GABBR2: variants seen among roughly 807,000 people sequenced by gnomAD.
GABBR2 encodes the protein G-protein coupled receptor 51.
A neutral mutation model predicts 105.6 loss-of-function variants in GABBR2; 23 were observed. That is an observed-to-expected ratio of 0.22 (90% CI 0.16 to 0.31). The LOEUF is 0.31. Ranked by LOEUF, GABBR2 falls within the 10% of genes least tolerant of loss-of-function variation. The probability of loss-of-function intolerance (pLI) is 1.00; values close to 1 mark genes in which losing one functional copy is unlikely to be tolerated. For synonymous variants in GABBR2, 478 were observed against 499.7 expected, an observed-to-expected ratio of 0.96 and a Z score of 0.58; for missense variants, 734 against 1,245.5, an observed-to-expected ratio of 0.59 and a Z score of 6.18.
chr9:98,677,285 T>C (rs887398339), intron 1 of GABBR2, among the ~76,000 whole-genome samples: 2 of 152,208 alleles, frequency 1.3e-5, no homozygotes, highest in African/African-American at 4.8e-5. Context: ...AACTGCACAC[T>C]GGCCAGCCCC....
chr9:98,385,580 G>T, intron 11 of GABBR2, 60 bp downstream of exon 11: 2 of 1,426,510 alleles, frequency 1.4e-6, no homozygotes, highest in South Asian at 1.2e-5. Context: ...TGTTTTCGAT[G>T]ACTGAGGTCA....
At chr9:98,420,418 G>A (rs1287505726) in intron 7 of GABBR2, among the ~76,000 whole-genome samples, 2 of 152,232 alleles carry the variant, frequency 1.3e-5, no homozygotes, top group Non-Finnish European at 2.9e-5. Context: ...GCAAAGGCAT[G>A]TGCAGGGCTT....
intron 13 of GABBR2, among the ~76,000 whole-genome samples, chr9:98,326,563 C>T (rs946363277): frequency 6.6e-6 from 1 of 152,184 alleles, no homozygotes; most frequent in Non-Finnish European, 1.5e-5. Context: ...CTCTTGTGGG[C>T]TGAAGCACTG....
intron 1 of GABBR2, among the ~76,000 whole-genome samples, chr9:98,684,678 A>G (rs1355957329): frequency 6.6e-6 from 1 of 152,220 alleles, no homozygotes; most frequent in Non-Finnish European, 1.5e-5. Context: ...TCTATCCTAA[A>G]ACATCAAAAC....
chr9:98,485,500 ACG>A (rs1002724966), intron 4 of GABBR2, among the ~76,000 whole-genome samples: 43 of 141,372 alleles, frequency 3.0e-4, no homozygotes, highest in African/African-American at 1.1e-3. Flanking sequence ...ACATACACAC[ACG>A]CAGGCACACA....
At chr9:98,470,444 T>C (rs933442576) in intron 6 of GABBR2, among the ~76,000 whole-genome samples, 7 of 152,212 alleles carry the variant, frequency 4.6e-5, no homozygotes, top group South Asian at 4.2e-4. Context: ...CAATCAGATC[T>C]CGTGAAACTT....
chr9:98,486,016 G>C (rs141678176), intron 4 of GABBR2, among the ~76,000 whole-genome samples: 1 of 152,156 alleles, frequency 6.6e-6, no homozygotes, highest in Non-Finnish European at 1.5e-5. Flanking sequence ...ACCCCTGTGG[G>C]GCCAGGCTAA....
chr9:98,300,897 C>T (rs139275857), intron 16 of GABBR2, among the ~76,000 whole-genome samples: 8 of 152,340 alleles, frequency 5.3e-5, no homozygotes, highest in African/African-American at 1.4e-4. Context: ...AATCACATTT[C>T]TACACAGTTG....
rs139667514 is a variant in GABBR2, at chr9:98,559,164, C to G, written c.460-17121G>C. On this transcript the variant is annotated intron_variant, in intron 2 of 18. Transcript: ENST00000259455. ...TTATTTATTGAGACAGGGTCTCACT[C>G]TGTTGCCCAGGCTGAAGTGCAGTGG... Among the ~76,000 whole-genome samples the G allele has an allele frequency of 2.0e-3, 306 of 152,272 alleles. 1 individual carries two copies. Among genetic ancestry groups the G allele is most frequent in the African/African-American group, 6.8e-3 (283 of 41,526 alleles).
chr9:98,566,940 T>C (rs576348027), intron 2 of GABBR2, among the ~76,000 whole-genome samples: 1 of 152,236 alleles, frequency 6.6e-6, no homozygotes, highest in East Asian at 1.9e-4. Context: ...CCCAACCTTA[T>C]TAGGCTGGTG....
chr9:98,307,583 G>T (rs768409202), intron 14 of GABBR2, among the ~76,000 whole-genome samples: 22 of 152,188 alleles, frequency 1.4e-4, no homozygotes, highest in Non-Finnish European at 2.6e-4. Context: ...AACGCTGTGT[G>T]GTAGAAGCAG....
At chr9:98,292,313 C>A (rs193019904) in intron 18 of GABBR2, among the ~76,000 whole-genome samples, 4 of 152,344 alleles carry the variant, frequency 2.6e-5, no homozygotes. Flanking sequence ...GTACAGAGTT[C>A]AGGTAACTTC....
chr9:98,687,013 C>G (rs1205552423), intron 1 of GABBR2, among the ~76,000 whole-genome samples: 2 of 152,100 alleles, frequency 1.3e-5, no homozygotes, highest in African/African-American at 4.8e-5. Context: ...CCTTCCCCTG[C>G]ACTTTAACCA....
intron 8 of GABBR2, among the ~76,000 whole-genome samples, chr9:98,395,383 C>T (rs374656808): frequency 2.6e-5 from 4 of 152,162 alleles, no homozygotes; most frequent in South Asian, 4.2e-4. Flanking sequence ...GGCAGAGATG[C>T]TCTTGAGTCT....
rs576704867 is a variant in GABBR2, at chr9:98,553,545, T to C, written c.460-11502A>G. Among the ~76,000 whole-genome samples, 46 of 152,078 alleles carry C rather than the reference T, an allele frequency of 3.0e-4. 1 individual carries two copies. The highest frequency in any genetic ancestry group is 2.0e-3 in the Admixed American group (31 of 15,278). ...ACATTGAGGCTGCAGTAAGCTGTGA[T>C]TGTGCCACTGCACTCCAGCCTGGGT... On this transcript the variant is annotated intron_variant, in intron 2 of 18. Transcript: ENST00000259455.
intron 2 of GABBR2, among the ~76,000 whole-genome samples, chr9:98,545,692 T>C (rs1055693878): frequency 6.6e-6 from 1 of 152,168 alleles, no homozygotes; most frequent in Admixed American, 6.5e-5. Flanking sequence ...TTGGAATAAG[T>C]AGACTGCAGC....
intron 9 of GABBR2, among the ~76,000 whole-genome samples, chr9:98,389,952 G>T (rs1291152101): frequency 6.6e-6 from 1 of 152,152 alleles, no homozygotes; most frequent in Non-Finnish European, 1.5e-5. Flanking sequence ...AGCCCCACCA[G>T]GGTCCCAGTT....
At chr9:98,527,875 A>T (rs1827991237) in intron 3 of GABBR2, among the ~76,000 whole-genome samples, 1 of 152,218 alleles carries the variant, frequency 6.6e-6, no homozygotes, top group Non-Finnish European at 1.5e-5. Context: ...TATATTATAA[A>T]GGAGCCCTGA....
Position 98,523,363 on chromosome 9 carries a change from T to C in GABBR2, c.630+18510A>G, listed in dbSNP as rs1424711388. 2.6e-5 allele frequency among the ~76,000 whole-genome samples: 4 copies of C among 152,322 alleles called. No homozygotes were observed. In the East Asian group the frequency reaches 5.8e-4, roughly 22 times the overall value. On this transcript the variant is annotated intron_variant, in intron 3 of 18. Coordinates refer to ENST00000259455, the MANE Select transcript of GABBR2 (RefSeq NM_005458.8). ...GATGCTCTACTGAAGACTTAACTTGTGTTTTTCTGCTATCTTCTTTAGCAA... is the reference window on the plus strand; with the variant it reads ...GATGCTCTACTGAAGACTTAACTTGCGTTTTTCTGCTATCTTCTTTAGCAA...
Sources: gnomAD v4.1 joint callset for allele counts (sites outside exome capture counted in the v4.1 genomes callset) on GRCh38, gnomAD v4.1.1 for gene constraint, MANE v1.5 for transcripts, NCBI Gene and HGNC (gene_info 2026-07-23, HGNC 2026-07-21) for gene names.